RFX3: variants seen among roughly 807,000 people sequenced by gnomAD.
The protein encoded by RFX3 is regulatory factor X3.
A neutral mutation model predicts 98.6 loss-of-function variants in RFX3; 14 were observed. The observed-to-expected ratio is 0.14, with a 90% CI of 0.09 to 0.22. The LOEUF is 0.22. Among genes scored for constraint, RFX3 ranks in the 10% least tolerant of loss-of-function variants. The pLI is 1.00. For synonymous variants in RFX3, 383 were observed against 328.4 expected (o/e 1.17, Z -1.80); for missense variants, 639 against 926.9 (o/e 0.69, Z 4.03).
chr9:3,467,037 T>C (rs944037790), intron 1 of RFX3, among the ~76,000 whole-genome samples: 20 of 99,008 alleles, frequency 2.0e-4, no homozygotes, highest in Admixed American at 4.8e-4. Context: ...ATTATATATA[T>C]ATATATATAT....
At chr9:3,307,364 A>G (rs368811128) in intron 4 of RFX3, among the ~76,000 whole-genome samples, 27 of 152,252 alleles carry the variant, frequency 1.8e-4, no homozygotes, top group African/African-American at 6.5e-4. Flanking sequence ...GTCTTGAGAA[A>G]GGGAATTAAT....
intron 2 of RFX3, among the ~76,000 whole-genome samples, chr9:3,356,038 G>A (rs1468928404): frequency 2.0e-5 from 3 of 150,368 alleles, no homozygotes; most frequent in Non-Finnish European, 4.4e-5. Context: ...CCAGAGCCTC[G>A]CATAGAGGGA....
chr9:3,251,807 T>C (rs1821441952), intron 14 of RFX3, among the ~76,000 whole-genome samples: 1 of 152,176 alleles, frequency 6.6e-6, no homozygotes, highest in Non-Finnish European at 1.5e-5. Context: ...TCTTTCTTTA[T>C]ATATTTCTAA....
chr9:3,245,987 C>T (rs1378850413), intron 15 of RFX3, among the ~76,000 whole-genome samples: 1 of 152,106 alleles, frequency 6.6e-6, no homozygotes, highest in African/African-American at 2.4e-5. Context: ...TTCTCCTTTT[C>T]CCCAAATCAA....
chr9:3,287,953 A>G (rs1440156939), intron 7 of RFX3, among the ~76,000 whole-genome samples, 178 bp downstream of exon 7: 1 of 152,062 alleles, frequency 6.6e-6, no homozygotes, highest in Non-Finnish European at 1.5e-5. Flanking sequence ...CTTTTTAAAA[A>G]TTTGGAAAAC....
chr9:3,369,179 G>C (rs1837534299), intron 2 of RFX3, among the ~76,000 whole-genome samples: 1 of 152,184 alleles, frequency 6.6e-6, no homozygotes, highest in Non-Finnish European at 1.5e-5. Flanking sequence ...GCAAAAACTG[G>C]GTAACTTACG....
chr9:3,275,764 G>A, intron 8 of RFX3, 152 bp from the exon 9 acceptor site: 2 of 520,342 alleles, frequency 3.8e-6, no homozygotes, highest in South Asian at 2.9e-5. Context: ...TATTTTACAA[G>A]TAAAACTAAG....
chr9:3,379,714 C>CT (rs1204520582), intron 2 of RFX3, among the ~76,000 whole-genome samples: 2 of 152,094 alleles, frequency 1.3e-5, no homozygotes, highest in Non-Finnish European at 2.9e-5. Flanking sequence ...ATATACCACA[C>CT]TTTGAGAAAC....
chr9:3,404,657 C>T (rs1442734580), intron 1 of RFX3, among the ~76,000 whole-genome samples: 1 of 152,022 alleles, frequency 6.6e-6, no homozygotes, highest in East Asian at 1.9e-4. Context: ...TATTATAATG[C>T]TCAAAATCAA....
At chr9:3,440,476 A>G (rs941010938) in intron 1 of RFX3, among the ~76,000 whole-genome samples, 5 of 152,156 alleles carry the variant, frequency 3.3e-5, no homozygotes, top group Non-Finnish European at 5.9e-5. Flanking sequence ...GCAATTAAAA[A>G]AATAAATTTA....
intron 2 of RFX3, among the ~76,000 whole-genome samples, chr9:3,359,893 C>A (rs1836211847): frequency 6.6e-6 from 1 of 151,988 alleles, no homozygotes; most frequent in African/African-American, 2.4e-5. Flanking sequence ...TCAAATTGTT[C>A]AAATATTAGT....
intron 3 of RFX3, among the ~76,000 whole-genome samples, chr9:3,333,442 T>G (rs563983426): frequency 1.7e-3 from 258 of 151,850 alleles, no homozygotes; most frequent in African/African-American, 5.3e-3. Flanking sequence ...AATGTTTTTT[T>G]TTTTTTTTTT....
At chr9:3,317,200 T>C (rs1280533930) in intron 4 of RFX3, among the ~76,000 whole-genome samples, 2 of 152,104 alleles carry the variant, frequency 1.3e-5, no homozygotes, top group African/African-American at 4.8e-5. Flanking sequence ...AATAGAGCCC[T>C]CAGAAATAAT....
At chr9:3,504,848 ATTATATATGATATAATAT>A (rs1564185090) in intron 1 of RFX3, among the ~76,000 whole-genome samples, 31 of 83,906 alleles carry the variant, frequency 3.7e-4, no homozygotes, top group Non-Finnish European at 4.6e-4. Context: ...AAATATATAT[ATTATATATGATATAATAT>A]ATATTATATA....
At chr9:3,486,337 G>A (rs937442837) in intron 1 of RFX3, among the ~76,000 whole-genome samples, 6 of 151,914 alleles carry the variant, frequency 3.9e-5, no homozygotes, top group African/African-American at 9.7e-5. Context: ...AACAAGTTAC[G>A]GCTCTCTTTA....
chr9:3,493,257 C>T (rs1448390022), intron 1 of RFX3, among the ~76,000 whole-genome samples: 1 of 152,078 alleles, frequency 6.6e-6, no homozygotes, highest in Non-Finnish European at 1.5e-5. Context: ...AGTTCTGTAC[C>T]ATATGCTTCC....
chr9:3,348,110 C>G (rs1269685583), intron 2 of RFX3, among the ~76,000 whole-genome samples: 1 of 152,050 alleles, frequency 6.6e-6, no homozygotes, highest in African/African-American at 2.4e-5. Flanking sequence ...TTCCCTTATC[C>G]TTTTTATTTC....
intron 4 of RFX3, among the ~76,000 whole-genome samples, chr9:3,303,520 T>C (rs1458589026): frequency 2.6e-5 from 4 of 151,956 alleles, no homozygotes; most frequent in Admixed American, 6.6e-5. Context: ...ACTTTTGATA[T>C]TATAATTTTT....
intron 4 of RFX3, among the ~76,000 whole-genome samples, chr9:3,311,095 C>T (rs1396429060): frequency 2.0e-5 from 3 of 152,164 alleles, no homozygotes; most frequent in Non-Finnish European, 4.4e-5. Context: ...ACAAGTTACT[C>T]TGTTAACATC....
Sources: allele counts gnomAD v4.1 joint callset (sites outside exome capture counted in the v4.1 genomes callset), GRCh38; gene constraint gnomAD v4.1.1; transcripts MANE v1.5; gene names NCBI Gene and HGNC (gene_info 2026-07-23, HGNC 2026-07-21).